Variants in RAB5B observed in about 807,000 individuals in gnomAD.
RAB5B encodes the protein ras-related protein Rab-5B.
In RAB5B, 11 loss-of-function variants were observed where a neutral mutation model predicts 28.6. The observed-to-expected ratio is 0.38, with a 90% CI of 0.24 to 0.64. The LOEUF (loss-of-function observed/expected upper bound fraction) is 0.64. RAB5B is among the 30% of genes least tolerant of loss of function. The pLI, the probability that RAB5B is intolerant of heterozygous loss-of-function variation, is 0.53. For synonymous variants in RAB5B, 93 were observed against 97.9 expected (o/e 0.95, Z 0.29); for missense variants, 169 against 265.6 (o/e 0.64, Z 2.53).
rs140556276 is a variant in RAB5B, at chr12:55,990,745, G to A, written c.379G>A (p.Val127Ile). Residue 127 changes from valine to isoleucine, a missense_variant, in exon 4 of 6, where the codon GTT becomes ATT. This residue lies in a region of RAB5B where 123 missense variants were observed against 162.4 expected (regional missense o/e 0.76). Transcript: ENST00000360299. ...ELQRQASPSI[V>I]IALAGNKADL... ...ACAGCGACAGGCCAGTCCTAGCATC[G>A]TTATTGCCCTGGCAGGGAACAAAGC... 3.3e-5 allele frequency: 54 copies of A among 1,614,120 alleles called. 1 individual carries two copies. The highest frequency in any genetic ancestry group is 2.0e-4 in the African/African-American group (15 of 75,060).
intron 1 of RAB5B, among the ~76,000 whole-genome samples, chr12:55,981,805 T>A (rs1440565988): frequency 6.0e-5 from 9 of 150,650 alleles, no homozygotes; most frequent in East Asian, 1.9e-4. Context: ...GAGCCGTACT[T>A]CTTTTTTTTT....
chr12:55,983,759 G>T (rs575111374), intron 1 of RAB5B, among the ~76,000 whole-genome samples: 1 of 149,408 alleles, frequency 6.7e-6, no homozygotes, highest in Admixed American at 6.7e-5. Flanking sequence ...CTGGGCTCCA[G>T]TGATTCTCCC....
At chr12:55,978,592 G>A (rs1889712966) in intron 1 of RAB5B, among the ~76,000 whole-genome samples, 2 of 152,026 alleles carry the variant, frequency 1.3e-5, no homozygotes, top group Admixed American at 1.3e-4. Flanking sequence ...GAGAGAAGTA[G>A]AATTACTTAG....
chr12:55,980,098 A>C (rs970201086), intron 1 of RAB5B, among the ~76,000 whole-genome samples: 2 of 152,160 alleles, frequency 1.3e-5, no homozygotes, highest in African/African-American at 4.8e-5. Flanking sequence ...TAGTAACAGA[A>C]TAAATCAGTG....
Position 55,991,368 on chromosome 12 carries a change from G to A in RAB5B, c.447G>A (p.Gln149=). 1 of 1,613,692 alleles carries A rather than the reference G, an allele frequency of 6.2e-7. No individual in the cohort carries two copies. The highest frequency in any genetic ancestry group is 8.5e-7 in the Non-Finnish European group (1 of 1,179,634). The part of the protein sequence containing the change: ...NKRMVEYEEA[Q]AYADDNSLLF... ...CATCCCACTCCTTGCAGGAGGCCCA[G>A]GCATATGCAGATGACAACAGCTTAT... Residue 149 remains glutamine (Q), a synonymous_variant, in exon 5 of 6, where the codon CAG becomes CAA. Coordinates refer to ENST00000360299, the MANE Select transcript of RAB5B (RefSeq NM_002868.4).
At position 55,996,003 on chromosome 12, in the gene RAB5B, A is replaced by ATATATATATATATTTTTTTTTTTTTT; in HGVS notation, c.*3792_*3793insATATATATATATTTTTTTTTTTTTTT. On this transcript the variant is annotated 3_prime_UTR_variant, in exon 6 of 6. Transcript: ENST00000360299. Reference sequence around the variant, plus strand: ...TATATACATATATATATATATATATATTTTTTTTTTAACAACTGGTAGGAT... The same window carrying ATATATATATATATTTTTTTTTTTTTT: ...TATATACATATATATATATATATATATATATATATATATTTTTTTTTTTTTTTTTTTTTTTTAACAACTGGTAGGAT... 1.0e-5 allele frequency: 1 copy of ATATATATATATATTTTTTTTTTTTTT among 97,406 alleles called. No homozygotes were observed. The highest frequency in any genetic ancestry group is 4.7e-5 in the African/African-American group (1 of 21,148). 6.0% of individuals were successfully genotyped at this position (97,406 alleles called of 1,614,324 possible).
Position 55,994,677 on chromosome 12 carries a change from A to C in RAB5B, c.*2465A>C, listed in dbSNP as rs1485724953. On this transcript the variant is annotated 3_prime_UTR_variant, in exon 6 of 6. Coordinates refer to ENST00000360299, the MANE Select transcript of RAB5B (RefSeq NM_002868.4). Reference sequence around the variant, plus strand: ...CGACTGCTGATTTACCGATGTATTTAATGTAAGTAAAAAAAGGAAAAAAAG... The same window carrying C: ...CGACTGCTGATTTACCGATGTATTTCATGTAAGTAAAAAAAGGAAAAAAAG... 3.9e-5 allele frequency: 6 copies of C among 152,454 alleles called. No homozygotes were observed. The highest frequency in any genetic ancestry group is 8.8e-5 in the Non-Finnish European group (6 of 68,010). 9.4% of individuals were successfully genotyped at this position (152,454 alleles called of 1,614,324 possible).
Position 55,980,644 on chromosome 12 carries a change from C to T in RAB5B, c.-92-6225C>T. 2.5e-6 allele frequency: 4 copies of T among 1,597,434 alleles called. No homozygotes were observed. The South Asian group carries it at 4.4e-5, about 18-fold the overall frequency. On this transcript the variant is annotated intron_variant, in intron 1 of 5. Coordinates refer to ENST00000360299, the MANE Select transcript of RAB5B (RefSeq NM_002868.4). Reference sequence around the variant, plus strand: ...ACTTATCGGCCTGCTCCTTCTGCACCTTCCTCTTGGCCTCCATGTCACATT... The same window carrying T: ...ACTTATCGGCCTGCTCCTTCTGCACTTTCCTCTTGGCCTCCATGTCACATT...
chr12:55,996,330 G>C lies in RAB5B; in HGVS notation c.*4118G>C, dbSNP rs1469125561. 6.6e-6 allele frequency: 1 copy of C among 152,172 alleles called. No homozygotes were observed. The highest frequency in any genetic ancestry group is 1.9e-4 in the East Asian group (1 of 5,200). The allele number at this position is 152,172 out of a possible 1,614,324, so 9.4% of individuals were successfully genotyped here. On this transcript the variant is annotated 3_prime_UTR_variant, in exon 6 of 6. Transcript: ENST00000360299. ...GGCAGTGTATGGATACATTTGTCCA[G>C]ATTGGGGGACTAGGTTTGATAAATT...
At chr12:55,983,230 C>T (rs369497409) in intron 1 of RAB5B, among the ~76,000 whole-genome samples, 73 of 152,230 alleles carry the variant, frequency 4.8e-4, no homozygotes, top group African/African-American at 1.6e-3. Flanking sequence ...AGGCATGTGG[C>T]GCTACACCCA....
At chr12:55,986,061 T>TA (rs952122308) in intron 1 of RAB5B, among the ~76,000 whole-genome samples, 1 of 152,188 alleles carries the variant, frequency 6.6e-6, no homozygotes, top group African/African-American at 2.4e-5. Flanking sequence ...ATATAAAGGA[T>TA]ACAGCAGCAA....
At chr12:55,978,593 A>T (rs556140977) in intron 1 of RAB5B, among the ~76,000 whole-genome samples, 2 of 152,156 alleles carry the variant, frequency 1.3e-5, no homozygotes, top group Non-Finnish European at 2.9e-5. Flanking sequence ...AGAGAAGTAG[A>T]ATTACTTAGC....
intron 2 of RAB5B, 70 bp downstream of exon 2, chr12:55,987,193 C>G: frequency 1.4e-6 from 2 of 1,440,744 alleles, no homozygotes; most frequent in Non-Finnish European, 1.9e-6. Flanking sequence ...TGGAGTCTTG[C>G]TCTGTTACCC....
chr12:55,979,537 C>G (rs1211343008), intron 1 of RAB5B: 2 of 152,154 alleles, frequency 1.3e-5, no homozygotes, highest in Admixed American at 1.3e-4. Flanking sequence ...ATCGCAGGGC[C>G]CACCAAATTC....
chr12:55,985,597 C>A, intron 1 of RAB5B: 1 of 409,424 alleles, frequency 2.4e-6, no homozygotes, highest in East Asian at 7.8e-5. Flanking sequence ...CCTGCCCCAC[C>A]AGCAGCTTTC....
At chr12:55,987,613 T>G (rs1889988855) in intron 2 of RAB5B, among the ~76,000 whole-genome samples, 1 of 152,112 alleles carries the variant, frequency 6.6e-6, no homozygotes, top group Non-Finnish European at 1.5e-5. Context: ...GCGGATCACC[T>G]GAGGTCAGGA....
intron 1 of RAB5B, among the ~76,000 whole-genome samples, chr12:55,976,845 T>G (rs1050428514): frequency 7.7e-4 from 118 of 152,298 alleles, no homozygotes; most frequent in Non-Finnish European, 3.4e-4. Flanking sequence ...ATTAATTGAA[T>G]TTGTCCTTAC....
chr12:55,985,112 G>A (rs1485876981), intron 1 of RAB5B, among the ~76,000 whole-genome samples: 1 of 152,170 alleles, frequency 6.6e-6, no homozygotes, highest in Non-Finnish European at 1.5e-5. Flanking sequence ...TTACAGATGA[G>A]GAAATGAATG....
At chr12:55,992,076 C>T in intron 5 of RAB5B, 21 bp from the exon 6 acceptor site, 1 of 1,597,592 alleles carries the variant, frequency 6.3e-7, no homozygotes, top group African/African-American at 1.3e-5. Flanking sequence ...ATACTTTGTT[C>T]TCTTCTCTTT....
Sources: gnomAD v4.1 joint callset for allele counts (sites outside exome capture counted in the v4.1 genomes callset) on GRCh38, gnomAD v4.1.1 for gene constraint, gnomAD v4.1.1 regional missense constraint, MANE v1.5 for transcripts, NCBI Gene and HGNC (gene_info 2026-07-23, HGNC 2026-07-21) for gene names.